Variants in SPATA13 observed in about 807,000 individuals in gnomAD.
The protein encoded by SPATA13 is spermatogenesis associated 13.
SPATA13 carries 50 observed loss-of-function variants against 104.0 expected under a neutral mutation model. That is an observed-to-expected ratio of 0.48 (90% CI 0.38 to 0.61). The LOEUF is 0.61. Ranked by LOEUF, SPATA13 falls within the 20% of genes least tolerant of loss-of-function variation. The pLI, the probability that SPATA13 is intolerant of heterozygous loss-of-function variation, is 0.00. For synonymous variants in SPATA13, 606 were observed against 667.5 expected (o/e 0.91, Z 1.42); for missense variants, 1,524 against 1,690.6 (o/e 0.90, Z 1.73).
chr13:24,038,911 A>G (rs528494888), intron 3 of SPATA13, among the ~76,000 whole-genome samples: 2 of 152,358 alleles, frequency 1.3e-5, no homozygotes, highest in Admixed American at 1.3e-4. Flanking sequence ...AAGGGAGCAC[A>G]CAAATCCAGA....
rs570598199 is a variant in SPATA13, at chr13:24,154,306, A to G, written c.-111-68513A>G. On this transcript the variant is annotated intron_variant, in intron 3 of 14. Transcript: ENST00000424834. ...AATCTAATTGTCCATCAACAATAGA[A>G]TAGGACATAGTATATTCAAACAGCA... 8.5e-5 allele frequency among the ~76,000 whole-genome samples: 13 copies of G among 152,368 alleles called. No homozygotes were observed. The South Asian group carries it at 2.7e-3, about 32-fold the overall frequency.
chr13:24,277,682 GT>G (rs1478544512), intron 4 of SPATA13, among the ~76,000 whole-genome samples: 1 of 152,148 alleles, frequency 6.6e-6, no homozygotes, highest in Non-Finnish European at 1.5e-5. Flanking sequence ...GCAATTTGCA[GT>G]TCAATTGGAA....
intron 4 of SPATA13, among the ~76,000 whole-genome samples, chr13:24,283,097 G>A (rs1268692398): frequency 4.6e-5 from 7 of 152,196 alleles, no homozygotes; most frequent in Non-Finnish European, 1.0e-4. Context: ...TTCGAATCAA[G>A]CCACCTGTGA....
At chr13:24,281,045 C>G (rs1026330881) in intron 4 of SPATA13, among the ~76,000 whole-genome samples, 1 of 148,446 alleles carries the variant, frequency 6.7e-6, no homozygotes, top group Non-Finnish European at 1.5e-5. Flanking sequence ...ATAGCTGGCT[C>G]CCTGCTGCCC....
Position 24,088,261 on chromosome 13 carries a change from T to A in SPATA13, c.-112+70560T>A, listed in dbSNP as rs1879798257. ...TGTTTGAGGTAGGGATTGTTTGCAT[T>A]CTACAGATGAGCACACCGAGGCTCA... On this transcript the variant is annotated intron_variant, in intron 3 of 14. Coordinates refer to the SPATA13 transcript ENST00000424834. The surrounding 1 kb of genome is among the most constrained non-coding windows in gnomAD (Gnocchi z 4.3). 6.6e-6 allele frequency among the ~76,000 whole-genome samples: 1 copy of A among 152,160 alleles called. No homozygotes were observed. The highest frequency in any genetic ancestry group is 2.1e-4 in the South Asian group (1 of 4,826).
chr13:24,232,323 G>T (rs1235073124), intron 2 of SPATA13, among the ~76,000 whole-genome samples: 1 of 152,130 alleles, frequency 6.6e-6, no homozygotes, highest in African/African-American at 2.4e-5. Flanking sequence ...GACACCTCAA[G>T]GGATTGCAGA....
intron 3 of SPATA13, among the ~76,000 whole-genome samples, chr13:24,024,837 C>T (rs1367563713): frequency 4.6e-5 from 7 of 151,266 alleles, no homozygotes; most frequent in South Asian, 4.2e-4. Context: ...ATGGGAGGAT[C>T]GCTTGAGCTC....
chr13:24,189,663 AT>A (rs1456236915), intron 1 of SPATA13, among the ~76,000 whole-genome samples: 470 of 4,842 alleles, frequency 0.097, 131 homozygotes, highest in Admixed American at 0.11. Flanking sequence ...TATATTATAT[AT>A]TTATATATTA....
At chr13:24,191,242 T>C (rs971402742) in intron 1 of SPATA13, among the ~76,000 whole-genome samples, 5 of 151,904 alleles carry the variant, frequency 3.3e-5, no homozygotes, top group Non-Finnish European at 5.9e-5. Flanking sequence ...TCCCAAAATG[T>C]TGGGATTATA....
intron 1 of SPATA13, among the ~76,000 whole-genome samples, chr13:24,190,322 T>TGG (rs1419290208): frequency 2.5e-4 from 2 of 7,878 alleles, no homozygotes; most frequent in African/African-American, 2.9e-4. Flanking sequence ...ATATATAATA[T>TGG]TATATATTAT....
chr13:24,200,562 C>T (rs1870338089), intron 1 of SPATA13, among the ~76,000 whole-genome samples: 1 of 151,948 alleles, frequency 6.6e-6, no homozygotes, highest in South Asian at 2.1e-4. Context: ...ATTATCACCA[C>T]TTAACTCTTC....
intron 2 of SPATA13, among the ~76,000 whole-genome samples, chr13:24,228,118 T>C (rs1161830234): frequency 6.9e-6 from 1 of 145,368 alleles, no homozygotes; most frequent in East Asian, 2.0e-4. Flanking sequence ...CTTTTTTTTT[T>C]TTTTTTTTTT....
At chr13:23,989,378 C>T (rs1428332192) in intron 2 of SPATA13, among the ~76,000 whole-genome samples, 1 of 151,592 alleles carries the variant, frequency 6.6e-6, no homozygotes, top group African/African-American at 2.4e-5. Flanking sequence ...GCCGAGATCA[C>T]GCCACTGCAC....
intron 4 of SPATA13, among the ~76,000 whole-genome samples, chr13:24,280,011 T>C (rs1206028121): frequency 6.6e-6 from 1 of 152,222 alleles, no homozygotes; most frequent in East Asian, 1.9e-4. Context: ...GTTGTCTTTT[T>C]TCTTTACTTT....
At position 24,121,877 on chromosome 13, in the gene SPATA13, A is replaced by C. The variant is rs146510364; in HGVS notation, c.-111-100942A>C. On this transcript the variant is annotated intron_variant, in intron 3 of 14. Coordinates refer to the SPATA13 transcript ENST00000424834. ...TACCTCCCATCCCCCTCGATCCCCCAAAATCCCGCTGGTTTCTTTTCCAGT... is the reference window on the plus strand; with the variant it reads ...TACCTCCCATCCCCCTCGATCCCCCCAAATCCCGCTGGTTTCTTTTCCAGT... Among the ~76,000 whole-genome samples, 50 of 152,142 alleles carry C rather than the reference A, an allele frequency of 3.3e-4. No individual in the cohort carries two copies. The East Asian group carries it at 9.3e-3, about 28-fold the overall frequency.
chr13:24,267,614 C>A (rs915662496), intron 4 of SPATA13, among the ~76,000 whole-genome samples: 51 of 150,320 alleles, frequency 3.4e-4, no homozygotes, highest in Admixed American at 9.3e-4. Context: ...TGATTTTAAC[C>A]AAAAAAAAAA....
At chr13:24,287,068 T>G in intron 7 of SPATA13, 118 bp downstream of exon 7, 2 of 796,742 alleles carry the variant, frequency 2.5e-6, no homozygotes, top group South Asian at 3.7e-5. Flanking sequence ...TGTATGCTCA[T>G]TTCTCCGCCT....
intron 3 of SPATA13, among the ~76,000 whole-genome samples, chr13:24,045,837 G>T (rs1878124100): frequency 6.6e-6 from 1 of 152,150 alleles, no homozygotes; most frequent in Non-Finnish European, 1.5e-5. Flanking sequence ...CCTCCTCATG[G>T]TCAGGTAGCA....
At chr13:24,285,253 C>T (rs1205814519) in intron 5 of SPATA13, among the ~76,000 whole-genome samples, 1 of 152,120 alleles carries the variant, frequency 6.6e-6, no homozygotes, top group Non-Finnish European at 1.5e-5. Flanking sequence ...TCTTCAATTG[C>T]TGTAAAGTGT....
Sources: gnomAD v4.1 joint callset for allele counts (sites outside exome capture counted in the v4.1 genomes callset) on GRCh38, gnomAD v4.1.1 for gene constraint, Gnocchi (gnomAD v3.1) non-coding constraint, MANE v1.5 for transcripts, NCBI Gene and HGNC (gene_info 2026-07-23, HGNC 2026-07-21) for gene names.